SRC: variants seen among roughly 807,000 people sequenced by gnomAD.
SRC encodes proto-oncogene tyrosine-protein kinase Src.
A neutral mutation model predicts 62.9 loss-of-function variants in SRC; 13 were observed. The ratio of observed to expected loss-of-function variants is 0.21; its 90% confidence interval spans 0.13 to 0.33. SRC has a LOEUF of 0.33. Ranked by LOEUF, SRC falls within the 10% of genes least tolerant of loss-of-function variation. SRC has a pLI of 1.00. For synonymous variants in SRC, 302 were observed against 317.5 expected (o/e 0.95, Z 0.52); for missense variants, 457 against 737.3 (o/e 0.62, Z 4.40).
chr20:37,360,216 C>CTGTTTTT (rs2069947696), intron 1 of SRC, among the ~76,000 whole-genome samples: 1 of 112,512 alleles, frequency 8.9e-6, no homozygotes, highest in Non-Finnish European at 1.7e-5. Context: ...TTCTCTCTCT[C>CTGTTTTT]TCTTTTTTTT....
chr20:37,402,518 C>G lies in SRC; in HGVS notation c.1200C>G (p.Asn400Lys), dbSNP rs367543243. The G allele has an allele frequency of 1.2e-6, 2 of 1,614,040 alleles. No individual in the cohort carries two copies. The highest frequency in any genetic ancestry group is 1.7e-6 in the Non-Finnish European group (2 of 1,180,006). Residue 400 changes from asparagine to lysine, a missense_variant, in exon 12 of 14, where the codon AAC becomes AAG. Around this residue, in one of 4 missense-constraint regions of SRC, gnomAD observed 168 missense variants for 357.8 expected, o/e 0.47. Coordinates refer to ENST00000373578, the MANE Select transcript of SRC (RefSeq NM_198291.3). The surrounding 1 kb of genome is among the most constrained non-coding windows in gnomAD (Gnocchi z 6.2). ...LRAANILVGE[N>K]LVCKVADFGL... ...CAGCCAACATCCTGGTGGGAGAGAA[C>G]CTGGTGTGCAAAGTGGCGGACTTTG...
Position 37,401,461 on chromosome 20 carries a change from CT to C in SRC, c.1040-138del, listed in dbSNP as rs2070736334. ...TTTGAGTGACAAGCACTGAGTGAGA[CT>C]TTATTCAGAGATGAGTTTACGTAAA... On this transcript the variant is annotated intron_variant, in intron 10 of 13. Transcript: ENST00000373578. 1.8e-5 allele frequency: 11 copies of C among 616,426 alleles called. No individual in the cohort carries two copies. The East Asian group carries it at 3.2e-4, about 18-fold the overall frequency. The allele number at this position is 616,426 out of a possible 1,614,324, so 38.2% of individuals were successfully genotyped here. A position where few individuals can be genotyped will look rare whatever the true frequency, so the allele number is the denominator to read the frequency against.
At chr20:37,347,363 T>G (rs975517485) in intron 1 of SRC, among the ~76,000 whole-genome samples, 1 of 152,266 alleles carries the variant, frequency 6.6e-6, no homozygotes, top group Non-Finnish European at 1.5e-5. Flanking sequence ...GCACCGAGTC[T>G]TCTTGTCTCA....
intron 2 of SRC, among the ~76,000 whole-genome samples, chr20:37,365,595 T>C (rs1034674630): frequency 3.3e-5 from 5 of 152,150 alleles, no homozygotes; most frequent in Admixed American, 1.3e-4. Flanking sequence ...AAGAATTTTT[T>C]TTTTTTCTTA....
intron 1 of SRC, among the ~76,000 whole-genome samples, chr20:37,363,714 T>A (rs565120733): frequency 2.0e-5 from 3 of 152,086 alleles, no homozygotes; most frequent in African/African-American, 7.2e-5. Context: ...GAGCAGCTGG[T>A]GACATTGGGT....
chr20:37,401,099 T>G (rs1048769441), intron 10 of SRC, among the ~76,000 whole-genome samples: 6 of 152,142 alleles, frequency 3.9e-5, no homozygotes, highest in African/African-American at 1.4e-4. Context: ...CAGGCTCAAT[T>G]GATCTTCTCA....
rs367842964 is a variant in SRC, at chr20:37,396,115, C to T, written c.554-47C>T. The T allele has an allele frequency of 2.4e-5, 38 of 1,597,010 alleles. No individual in the cohort carries two copies. Among genetic ancestry groups the T allele is most frequent in the African/African-American group, 4.0e-5 (3 of 74,700 alleles). On this transcript the variant is annotated intron_variant, in intron 7 of 13. Coordinates refer to ENST00000373578, the MANE Select transcript of SRC (RefSeq NM_198291.3). This position sits in a 1 kb window ranked among gnomAD's most constrained non-coding sequence, Gnocchi z 6.1. ...GAACGGTGTCCAGAGCAGCGGCCTG[C>T]GGGGGGAGAGGGCATGGCGGTCACG...
At chr20:37,379,334 G>T (rs905991307) in intron 2 of SRC, among the ~76,000 whole-genome samples, 2 of 152,096 alleles carry the variant, frequency 1.3e-5, no homozygotes, top group African/African-American at 4.8e-5. Context: ...GATGAGGGGG[G>T]TTGGCCCCTC....
chr20:37,378,161 C>CTTTTTTTTTTTTT (rs770833912), intron 2 of SRC, among the ~76,000 whole-genome samples: 6 of 122,956 alleles, frequency 4.9e-5, no homozygotes, highest in African/African-American at 9.4e-5. Flanking sequence ...TCTTTCTTCT[C>CTTTTTTTTTTTTT]TTTTTTTTTT....
At chr20:37,366,230 A>G (rs2070060161) in intron 2 of SRC, among the ~76,000 whole-genome samples, 1 of 152,036 alleles carries the variant, frequency 6.6e-6, no homozygotes. Flanking sequence ...TCTTTCAGAG[A>G]GATTGTGCTG....
At chr20:37,383,062 CT>C (rs2070388526) in intron 3 of SRC, among the ~76,000 whole-genome samples, 1 of 152,238 alleles carries the variant, frequency 6.6e-6, no homozygotes, top group Non-Finnish European at 1.5e-5. Flanking sequence ...ACACCCCATG[CT>C]AGGCACTGGG....
At position 37,398,680 on chromosome 20, in the gene SRC, G is replaced by A. The variant is rs2070695351; in HGVS notation, c.859+826G>A. Among the ~76,000 whole-genome samples, 1 of 152,238 alleles carries A rather than the reference G, an allele frequency of 6.6e-6. No individual in the cohort carries two copies. ...GGCGTGGGCTTTGAGCTGGTGAGAG[G>A]GGAGAGGGGTGAGAAGCCAGGGTGT... On this transcript the variant is annotated intron_variant, in intron 9 of 13. Coordinates refer to ENST00000373578, the MANE Select transcript of SRC (RefSeq NM_198291.3). This position sits in a 1 kb window ranked among gnomAD's most constrained non-coding sequence, Gnocchi z 5.2.
intron 1 of SRC, among the ~76,000 whole-genome samples, chr20:37,364,012 C>G (rs559178605): frequency 2.1e-4 from 32 of 152,190 alleles, no homozygotes; most frequent in Non-Finnish European, 4.1e-4. Context: ...CCTCCATCCC[C>G]GCACAGGCCT....
intron 1 of SRC, 114 bp downstream of exon 1, chr20:37,346,369 C>G (rs1297090379): frequency 6.6e-6 from 1 of 151,084 alleles, no homozygotes; most frequent in Admixed American, 6.6e-5. Context: ...TGTCCACCCC[C>G]CCAATTCCCA....
intron 2 of SRC, among the ~76,000 whole-genome samples, chr20:37,373,126 A>G (rs2070197221): frequency 1.4e-5 from 2 of 145,792 alleles, no homozygotes; most frequent in South Asian, 4.2e-4. Context: ...ACACATATGT[A>G]CATATATACA....
At chr20:37,352,769 T>C (rs73903484) in intron 1 of SRC, among the ~76,000 whole-genome samples, 5,309 of 152,158 alleles carry the variant, frequency 0.035, 313 homozygotes, top group African/African-American at 0.12. Flanking sequence ...TCATCTCCCA[T>C]ATTTTCGAGC....
At chr20:37,363,691 C>T (rs990448102) in intron 1 of SRC, among the ~76,000 whole-genome samples, 1 of 152,168 alleles carries the variant, frequency 6.6e-6, no homozygotes, top group Non-Finnish European at 1.5e-5. Context: ...CCATTCCACC[C>T]CCGCCTGGAC....
intron 10 of SRC, among the ~76,000 whole-genome samples, chr20:37,401,040 AG>A (rs1275597031): frequency 5.3e-5 from 8 of 152,098 alleles, no homozygotes; most frequent in African/African-American, 1.9e-4. Context: ...TATGTTGCCC[AG>A]GCTGGAGTGC....
Position 37,360,218 on chromosome 20 carries a change from CTTTTTTT to C in SRC, c.-246-4972_-246-4966del, listed in dbSNP as rs61476973. ...AATTTCTTTCTCTTTCTCTCTCTCT[CTTTTTTT>C]TTTTTTTTTTTTTGGTGAGACAGGG... On this transcript the variant is annotated intron_variant, in intron 1 of 13. Coordinates refer to ENST00000373578, the MANE Select transcript of SRC (RefSeq NM_198291.3). Among the ~76,000 whole-genome samples the C allele has an allele frequency of 4.7e-5, 5 of 105,630 alleles. No individual in the cohort carries two copies. In the East Asian group the frequency reaches 6.5e-4, roughly 14 times the overall value. 69.3% of individuals were successfully genotyped at this position (105,630 alleles called of 152,430 possible). A position where few individuals can be genotyped will look rare whatever the true frequency, so the allele number is the denominator to read the frequency against.
Sources: allele counts gnomAD v4.1 joint callset (sites outside exome capture counted in the v4.1 genomes callset), GRCh38; gene constraint gnomAD v4.1.1; regional missense constraint gnomAD v4.1.1; non-coding constraint Gnocchi (gnomAD v3.1); transcripts MANE v1.5; gene names NCBI Gene and HGNC (gene_info 2026-07-23, HGNC 2026-07-21).